CTNND2: variants seen among roughly 807,000 people sequenced by gnomAD.
CTNND2 encodes catenin delta-2.
CTNND2 carries 22 observed loss-of-function variants against 144.4 expected under a neutral mutation model. That is an observed-to-expected ratio of 0.15 (90% CI 0.11 to 0.22). The LOEUF is 0.22. CTNND2 is among the 10% of genes least tolerant of loss of function. CTNND2 has a pLI of 1.00. For missense variants in CTNND2, 1,353 were observed against 1,618.8 expected, an observed-to-expected ratio of 0.84 and a Z score of 2.82; for synonymous variants, 751 against 695.6, an observed-to-expected ratio of 1.08 and a Z score of -1.25.
At position 11,903,071 on chromosome 5, in the gene CTNND2, C is replaced by G. The variant is rs188533988; in HGVS notation, c.37+746G>C. ...CTACACACCAGAATAAGATGAGGGT[C>G]GGGAAAAAAAGAAAAAAGCAGCTTC... is the stretch of plus-strand genomic sequence containing the variant. On this transcript the variant is annotated intron_variant, in intron 1 of 21. Transcript: ENST00000304623. This position sits in a 1 kb window ranked among gnomAD's most constrained non-coding sequence, Gnocchi z 5.4. 2.2e-6 allele frequency: 1 copy of G among 452,150 alleles called. No individual in the cohort carries two copies. Among genetic ancestry groups the G allele is most frequent in the Non-Finnish European group, 2.9e-6 (1 of 342,772 alleles). The allele number at this position is 452,150 out of a possible 1,614,324, so 28.0% of individuals were successfully genotyped here.
intron 1 of CTNND2, among the ~76,000 whole-genome samples, chr5:11,763,311 C>T (rs1789387336): frequency 6.6e-6 from 1 of 152,148 alleles, no homozygotes; most frequent in South Asian, 2.1e-4. Context: ...ACAGTAAAGG[C>T]TTACATAAGG....
intron 1 of CTNND2, among the ~76,000 whole-genome samples, chr5:11,745,229 T>C (rs574475608): frequency 6.6e-6 from 1 of 152,288 alleles, no homozygotes; most frequent in African/African-American, 2.4e-5. Context: ...GGCACATACA[T>C]TGTTGGCAAT....
chr5:11,802,921 T>A (rs1581910380), intron 1 of CTNND2, among the ~76,000 whole-genome samples: 3 of 152,282 alleles, frequency 2.0e-5, no homozygotes, highest in South Asian at 2.1e-4. Flanking sequence ...CAAATATCAG[T>A]GACTCTGACA....
intron 11 of CTNND2, among the ~76,000 whole-genome samples, chr5:11,188,827 G>C (rs767878726): frequency 3.9e-5 from 6 of 152,074 alleles, no homozygotes; most frequent in Non-Finnish European, 7.4e-5. Context: ...CAGATTTCAC[G>C]TATGGGAGAC....
chr5:11,429,502 G>A (rs968364501), intron 3 of CTNND2, among the ~76,000 whole-genome samples: 4 of 152,114 alleles, frequency 2.6e-5, no homozygotes, highest in Non-Finnish European at 5.9e-5. Context: ...CGGGAAATTC[G>A]CAGGCTGCCA....
chr5:11,672,332 C>T (rs13184222), intron 2 of CTNND2, among the ~76,000 whole-genome samples: 1,749 of 152,344 alleles, frequency 0.011, 16 homozygotes, highest in Middle Eastern at 0.027. Flanking sequence ...CTGCTGCTCT[C>T]TTCAGAGCTG....
At chr5:11,306,145 T>C (rs1327593664) in intron 9 of CTNND2, among the ~76,000 whole-genome samples, 4 of 152,146 alleles carry the variant, frequency 2.6e-5, no homozygotes, top group African/African-American at 9.7e-5. Context: ...TGAGAAGAAC[T>C]GATTAGAAGA....
At chr5:11,682,298 A>C (rs565993178) in intron 2 of CTNND2, among the ~76,000 whole-genome samples, 50 of 152,318 alleles carry the variant, frequency 3.3e-4, no homozygotes, top group Non-Finnish European at 5.7e-4. Flanking sequence ...TTAGAAACCA[A>C]CAGATGGAAG....
intron 18 of CTNND2, among the ~76,000 whole-genome samples, chr5:11,012,846 G>A (rs1181888369): frequency 6.6e-6 from 1 of 152,180 alleles, no homozygotes; most frequent in East Asian, 1.9e-4. Context: ...CTTCAAACAA[G>A]CTTGGAGGAA....
Position 11,232,982 on chromosome 5 carries a change from C to T in CTNND2, c.1761+3709G>A, listed in dbSNP as rs534432911. On this transcript the variant is annotated intron_variant, in intron 10 of 21. Transcript: ENST00000304623. ...TGGTTTTATAAGTGTCTGGCATTTC[C>T]CCTGCTTGTACTCAATCTCTCTTTT... Among the ~76,000 whole-genome samples the T allele has an allele frequency of 7.9e-5, 12 of 152,154 alleles. No homozygotes were observed. In the South Asian group the frequency reaches 2.3e-3, roughly 29 times the overall value.
intron 12 of CTNND2, among the ~76,000 whole-genome samples, chr5:11,144,145 A>ACCATAGGGGCAGTCCCCAGG (rs1757022592): frequency 2.6e-5 from 4 of 152,168 alleles, no homozygotes; most frequent in Admixed American, 6.5e-5. Context: ...AGGGGTTTCT[A>ACCATAGGGGCAGTCCCCAGG]TGAGCAGATC....
intron 6 of CTNND2, among the ~76,000 whole-genome samples, chr5:11,396,416 C>A (rs1322981614): frequency 6.6e-6 from 1 of 151,450 alleles, no homozygotes; most frequent in Non-Finnish European, 1.5e-5. Context: ...TTCTTTTTAC[C>A]AAGAGTTGGT....
intron 1 of CTNND2, among the ~76,000 whole-genome samples, chr5:11,856,128 G>C (rs1795239978): frequency 6.6e-6 from 1 of 152,120 alleles, no homozygotes; most frequent in Non-Finnish European, 1.5e-5. Flanking sequence ...GAGACAAAAA[G>C]AACAAAACAT....
At chr5:11,449,207 T>G (rs1404564658) in intron 3 of CTNND2, among the ~76,000 whole-genome samples, 1 of 152,218 alleles carries the variant, frequency 6.6e-6, no homozygotes, top group East Asian at 1.9e-4. Context: ...AAAATATCAT[T>G]CCTTTATTTC....
At chr5:11,552,675 T>C (rs1775867773) in intron 3 of CTNND2, among the ~76,000 whole-genome samples, 1 of 152,208 alleles carries the variant, frequency 6.6e-6, no homozygotes, top group African/African-American at 2.4e-5. Flanking sequence ...TAGCACTCAC[T>C]GCAACACTTT....
intron 9 of CTNND2, among the ~76,000 whole-genome samples, chr5:11,238,116 A>T (rs1436562597): frequency 1.3e-5 from 2 of 152,234 alleles, no homozygotes; most frequent in Admixed American, 6.5e-5. Flanking sequence ...GTACTGTCAT[A>T]CAAAGAAATA....
chr5:11,054,175 G>A (rs1270718086), intron 16 of CTNND2, among the ~76,000 whole-genome samples: 2 of 152,174 alleles, frequency 1.3e-5, no homozygotes, highest in African/African-American at 4.8e-5. Flanking sequence ...CAGCAACACG[G>A]CTACTGCTAT....
At chr5:11,180,105 GA>G (rs1760856028) in intron 11 of CTNND2, among the ~76,000 whole-genome samples, 2 of 152,288 alleles carry the variant, frequency 1.3e-5, no homozygotes, top group Non-Finnish European at 2.9e-5. Flanking sequence ...TGTGTTGAGG[GA>G]GGGACCTGGT....
intron 1 of CTNND2, among the ~76,000 whole-genome samples, chr5:11,756,486 A>C (rs1252653394): frequency 6.6e-6 from 1 of 151,778 alleles, no homozygotes; most frequent in Admixed American, 6.6e-5. Flanking sequence ...ATATTCAAAC[A>C]ACTTAAAACA....
Sources: gnomAD v4.1 joint callset for allele counts (sites outside exome capture counted in the v4.1 genomes callset) on GRCh38, gnomAD v4.1.1 for gene constraint, Gnocchi (gnomAD v3.1) non-coding constraint, MANE v1.5 for transcripts, NCBI Gene and HGNC (gene_info 2026-07-23, HGNC 2026-07-21) for gene names.